KLHL42: variants seen among roughly 807,000 people sequenced by gnomAD.
KLHL42 encodes kelch like family member 42, also known as kelch-like protein 42.
Under a neutral mutation model 32.7 loss-of-function variants are expected in KLHL42, and 27 were observed. That is an observed-to-expected ratio of 0.83 (90% CI 0.61 to 1.14). The LOEUF is 1.14. KLHL42 is among the 50% of genes most tolerant of loss of function. The probability of loss-of-function intolerance (pLI) is 0.00; values close to 1 mark genes in which losing one functional copy is unlikely to be tolerated. For synonymous variants in KLHL42, 267 were observed against 248.2 expected, an observed-to-expected ratio of 1.08 and a Z score of -0.71; for missense variants, 491 against 560.8, an observed-to-expected ratio of 0.88 and a Z score of 1.26.
At position 27,801,119 on chromosome 12, in the gene KLHL42, G is replaced by A. The variant is rs1461916521; in HGVS notation, c.*2953G>A. The A allele has an allele frequency of 6.6e-6, 1 of 152,592 alleles. No individual in the cohort carries two copies. Among genetic ancestry groups the A allele is most frequent in the Non-Finnish European group, 1.5e-5 (1 of 68,044 alleles). 9.5% of individuals were successfully genotyped at this position (152,592 alleles called of 1,614,324 possible). On this transcript the variant is annotated 3_prime_UTR_variant, in exon 3 of 3. Coordinates refer to ENST00000381271, the MANE Select transcript of KLHL42 (RefSeq NM_020782.2). ...GTATTGGTTAAGTCACAACGACGAA[G>A]TGCTGAGAAGGTTATGGGTACCAGG...
intron 1 of KLHL42, among the ~76,000 whole-genome samples, chr12:27,786,353 A>G (rs1328468428): frequency 3.3e-5 from 5 of 152,210 alleles, no homozygotes; most frequent in Non-Finnish European, 7.3e-5. Flanking sequence ...GCATTCTTCT[A>G]GTCACTGTTG....
Position 27,780,300 on chromosome 12 carries a change from G to T in KLHL42, c.-31G>T. ...TGGGAGGCCGGCGCGCAGATCTGGCGGTGAGCGCTGCCGCCCCGGGGCCCC... is the reference window on the plus strand; with the variant it reads ...TGGGAGGCCGGCGCGCAGATCTGGCTGTGAGCGCTGCCGCCCCGGGGCCCC... On this transcript the variant is annotated 5_prime_UTR_variant, in exon 1 of 3. Transcript: ENST00000381271. This position sits in a 1 kb window ranked among gnomAD's most constrained non-coding sequence, Gnocchi z 8.8. The T allele has an allele frequency of 6.5e-7, 1 of 1,526,860 alleles. No homozygotes were observed. The highest frequency in any genetic ancestry group is 1.2e-5 in the South Asian group (1 of 81,540). The allele number at this position is 1,526,860 out of a possible 1,614,324, so 94.6% of individuals were successfully genotyped here.
At chr12:27,782,153 G>C (rs1409757903) in intron 1 of KLHL42, among the ~76,000 whole-genome samples, 4 of 152,206 alleles carry the variant, frequency 2.6e-5, no homozygotes, top group Non-Finnish European at 5.9e-5. Flanking sequence ...GTCCTGAAGT[G>C]TGGAGCAAGG....
At chr12:27,787,494 CAAAA>C (rs552199790) in intron 1 of KLHL42, 21,331 of 113,654 alleles carry the variant, frequency 0.19, 1,937 homozygotes, top group Non-Finnish European at 0.25. Context: ...GACTTTGTCT[CAAAA>C]AAAAAAAAAA....
rs1443341391 is a variant in KLHL42, at chr12:27,802,471, T to C, written c.*4305T>C. The C allele has an allele frequency of 6.6e-6, 1 of 152,644 alleles. No homozygotes were observed. Among genetic ancestry groups the C allele is most frequent in the African/African-American group, 2.4e-5 (1 of 41,462 alleles). 9.5% of individuals were successfully genotyped at this position (152,644 alleles called of 1,614,324 possible). A position where few individuals can be genotyped will look rare whatever the true frequency, so the allele number is the denominator to read the frequency against. ...TTATCAAAGGATAGTTTTTCATCCT[T>C]AGATTTTATTCACATGAGAGATTTT... On this transcript the variant is annotated 3_prime_UTR_variant, in exon 3 of 3. Transcript: ENST00000381271.
intron 1 of KLHL42, among the ~76,000 whole-genome samples, chr12:27,783,591 A>AT (rs1206950542): frequency 1.1e-4 from 17 of 150,746 alleles, no homozygotes; most frequent in South Asian, 1.0e-3. Context: ...TTATTTTTTT[A>AT]TTTTTTTTGA....
At chr12:27,797,165 T>G (rs1353979603) in intron 2 of KLHL42, 2 of 424,040 alleles carry the variant, frequency 4.7e-6, no homozygotes, top group Admixed American at 2.8e-5. Flanking sequence ...AATTGCCAAG[T>G]GGTTCTGTGG....
chr12:27,788,917 A>G (rs981549878), intron 1 of KLHL42, among the ~76,000 whole-genome samples: 2 of 152,234 alleles, frequency 1.3e-5, no homozygotes, highest in Non-Finnish European at 2.9e-5. Flanking sequence ...AACACTGTAG[A>G]GATGATAATT....
chr12:27,793,257 T>C (rs910402743), intron 2 of KLHL42, among the ~76,000 whole-genome samples: 12 of 151,548 alleles, frequency 7.9e-5, no homozygotes. Context: ...TGAAAAAAAT[T>C]AGCTGGATGT....
intron 1 of KLHL42, among the ~76,000 whole-genome samples, chr12:27,791,395 A>G (rs992608323): frequency 3.9e-5 from 6 of 152,222 alleles, no homozygotes; most frequent in Non-Finnish European, 8.8e-5. Context: ...CCTGAAAGAA[A>G]GTGTGGAGTT....
intron 1 of KLHL42, among the ~76,000 whole-genome samples, chr12:27,784,190 A>G (rs1173163125): frequency 6.8e-6 from 1 of 146,706 alleles, no homozygotes; most frequent in Non-Finnish European, 1.5e-5. Context: ...GCTGGAGTAC[A>G]GTGACGCGAT....
In KLHL42 at chr12:27,780,843, T is replaced by C. The variant is rs1018542224; in HGVS notation, c.513T>C (p.Ser171=). 1.2e-6 allele frequency: 2 copies of C among 1,613,846 alleles called. No individual in the cohort carries two copies. The highest frequency in any genetic ancestry group is 4.5e-5 in the East Asian group (2 of 44,882). Residue 171 remains serine (S), a synonymous_variant, in exon 1 of 3, where the codon TCT becomes TCC. Coordinates refer to ENST00000381271, the MANE Select transcript of KLHL42 (RefSeq NM_020782.2). The surrounding 1 kb of genome is among the most constrained non-coding windows in gnomAD (Gnocchi z 8.8). ...AGCCCCAGTTCCACCTCCTGGGGTC[T>C]CCTCCCCAAGCTCCAGGGGATGTCA... The part of the protein sequence containing the change: ...LCKPQFHLLG[S]PPQAPGDVSL...
chr12:27,784,131 TTG>T (rs1404570681), intron 1 of KLHL42, among the ~76,000 whole-genome samples: 49 of 144,030 alleles, frequency 3.4e-4, no homozygotes, highest in Non-Finnish European at 6.5e-4. Context: ...TTTTTTTTTT[TTG>T]TTTTTGTTTT....
At chr12:27,786,393 G>A (rs151125391) in intron 1 of KLHL42, among the ~76,000 whole-genome samples, 1 of 152,270 alleles carries the variant, frequency 6.6e-6, no homozygotes, top group Non-Finnish European at 1.5e-5. Context: ...CGTAATTGCT[G>A]CCCTCAAGAA....
At position 27,800,941 on chromosome 12, in the gene KLHL42, TAG is replaced by T. The variant is rs1202119210; in HGVS notation, c.*2780_*2781del. ...ATTTTATAGATAGCAGTCTGAATGG[TAG>T]AGAGTCCTGTGTGTGGGTTGTTAGA... On this transcript the variant is annotated 3_prime_UTR_variant, in exon 3 of 3. Transcript: ENST00000381271. 2 of 152,216 alleles carry T rather than the reference TAG, an allele frequency of 1.3e-5. No individual in the cohort carries two copies. The highest frequency in any genetic ancestry group is 3.9e-4 in the East Asian group (2 of 5,188). The allele number at this position is 152,216 out of a possible 1,614,324, so 9.4% of individuals were successfully genotyped here.
chr12:27,787,494 CAAAAAA>C (rs552199790), intron 1 of KLHL42: 10 of 113,504 alleles, frequency 8.8e-5, no homozygotes, highest in Non-Finnish European at 1.4e-4. Context: ...GACTTTGTCT[CAAAAAA>C]AAAAAAAAAA....
At chr12:27,781,696 G>A (rs2140810835) in intron 1 of KLHL42, among the ~76,000 whole-genome samples, 1 of 152,286 alleles carries the variant, frequency 6.6e-6, no homozygotes, top group Non-Finnish European at 1.5e-5. Context: ...ATAATCACTG[G>A]AAATGTATTA....
Position 27,780,830 on chromosome 12 carries a change from A to G in KLHL42, c.500A>G (p.His167Arg). ...GAGGTGCTGTGCAAGCCCCAGTTCC[A>G]CCTCCTGGGGTCTCCTCCCCAAGCT... ...FHEVLCKPQF[H>R]LLGSPPQAPG... Residue 167 changes from histidine to arginine, a missense_variant, in exon 1 of 3, where the codon CAC (histidine) becomes CGC (arginine). Physicochemically the swap from His to Arg is conservative, Grantham distance 29. Coordinates refer to ENST00000381271, the MANE Select transcript of KLHL42 (RefSeq NM_020782.2). The surrounding 1 kb of genome is among the most constrained non-coding windows in gnomAD (Gnocchi z 8.8). The G allele has an allele frequency of 6.2e-7, 1 of 1,613,592 alleles. No individual in the cohort carries two copies. The highest frequency in any genetic ancestry group is 1.1e-5 in the South Asian group (1 of 91,076).
In KLHL42 at chr12:27,798,428, A is replaced by G. The variant is rs2062229671; in HGVS notation, c.*262A>G. On this transcript the variant is annotated 3_prime_UTR_variant, in exon 3 of 3. Transcript: ENST00000381271. ...CTCCAAACATGATACTCTTGGGCCA[A>G]TGACGGATCATCAAAATGTAGATTC... 6.2e-5 allele frequency: 25 copies of G among 404,240 alleles called. No homozygotes were observed. In the Admixed American group the frequency reaches 8.9e-4, roughly 14 times the overall value. The allele number at this position is 404,240 out of a possible 1,614,324, so 25.0% of individuals were successfully genotyped here. A position where few individuals can be genotyped will look rare whatever the true frequency, so the allele number is the denominator to read the frequency against.
Sources: allele counts gnomAD v4.1 joint callset (sites outside exome capture counted in the v4.1 genomes callset), GRCh38; gene constraint gnomAD v4.1.1; non-coding constraint Gnocchi (gnomAD v3.1); transcripts MANE v1.5; gene names NCBI Gene and HGNC (gene_info 2026-07-23, HGNC 2026-07-21).